The following NR3C2 variants were observed in gnomAD, a reference collection of about 807,000 sequenced individuals.
The protein encoded by NR3C2 is nuclear receptor subfamily 3 group C member 2.
In NR3C2, 15 loss-of-function variants were observed where a neutral mutation model predicts 86.4. That is an observed-to-expected ratio of 0.17 (90% confidence interval 0.12 to 0.27). NR3C2 has a LOEUF of 0.27. NR3C2 is among the 10% of genes least tolerant of loss of function. The pLI is 1.00. For synonymous variants in NR3C2, 458 were observed against 450.5 expected (o/e 1.02, Z -0.21); for missense variants, 960 against 1,195.6 (o/e 0.80, Z 2.91).
At chr4:148,088,984 T>A (rs1282848760) in intron 8 of NR3C2, among the ~76,000 whole-genome samples, 3 of 152,204 alleles carry the variant, frequency 2.0e-5, no homozygotes, top group Non-Finnish European at 2.9e-5. Context: ...CATTTCCAAG[T>A]GTATTACAGC....
At position 148,114,176 on chromosome 4, in the gene NR3C2, C is replaced by T. The variant is rs768593437; in HGVS notation, c.2727G>A (p.Lys909=). ...AGCTCTGCCCAGAATTGTTGGGACA[C>T]TTAGTTACCATCTTCCTCAGTTCTT... ...YIKELRKMVT[K]CPNNSGQSWQ... Residue 909 remains lysine, a synonymous_variant, in exon 8 of 9, where the codon AAG becomes AAA. Transcript: ENST00000358102. The T allele has an allele frequency of 1.9e-6, 3 of 1,613,982 alleles. No individual in the cohort carries two copies. In the Middle Eastern group the frequency reaches 5.0e-4, roughly 267 times the overall value.
At chr4:148,139,830 G>A (rs913194100) in intron 6 of NR3C2, among the ~76,000 whole-genome samples, 1 of 152,100 alleles carries the variant, frequency 6.6e-6, no homozygotes, top group African/African-American at 2.4e-5. Flanking sequence ...AACCTTTTCA[G>A]AGCCCTTCCC....
intron 2 of NR3C2, among the ~76,000 whole-genome samples, chr4:148,322,741 A>G (rs1472356559): frequency 8.2e-6 from 1 of 121,720 alleles, no homozygotes; most frequent in Non-Finnish European, 1.7e-5. Flanking sequence ...AGCTCCTTTA[A>G]GCACTTCTCT....
chr4:148,217,797 C>G (rs1321851880), intron 3 of NR3C2, among the ~76,000 whole-genome samples: 1 of 152,140 alleles, frequency 6.6e-6, no homozygotes, highest in Non-Finnish European at 1.5e-5. Context: ...ACTCAAAAAG[C>G]CTAGAGCTAT....
At chr4:148,378,990 T>C (rs748071800) in intron 2 of NR3C2, among the ~76,000 whole-genome samples, 2 of 152,118 alleles carry the variant, frequency 1.3e-5, no homozygotes, top group Middle Eastern at 3.2e-3. Flanking sequence ...TAAGTCAACC[T>C]GTACCAGCAA....
At chr4:148,356,899 C>CTGTGTGTGTGTGTGTG (rs67285458) in intron 2 of NR3C2, among the ~76,000 whole-genome samples, 8 of 148,966 alleles carry the variant, frequency 5.4e-5, no homozygotes, top group African/African-American at 9.9e-5. Context: ...CTAAGCACGA[C>CTGTGTGTGTGTGTGTG]TGTGTGTGTG....
At chr4:148,210,141 G>A (rs1300767549) in intron 3 of NR3C2, among the ~76,000 whole-genome samples, 1 of 152,116 alleles carries the variant, frequency 6.6e-6, no homozygotes, top group African/African-American at 2.4e-5. Flanking sequence ...TGGGCAGAAA[G>A]AGGCCGGTTT....
rs1240022484 is a variant in NR3C2 at position 148,154,581 on chromosome 4, G to C, written c.2335C>G (p.Gln779Glu). 6.2e-7 allele frequency: 1 copy of C among 1,614,192 alleles called. No homozygotes were observed. Residue 779 changes from glutamine (Q) to glutamate (E), a missense_variant, in exon 5 of 9, where the codon CAA becomes GAA. This residue lies in a region of NR3C2 where 151 missense variants were observed against 296.3 expected (regional missense o/e 0.51). Transcript: ENST00000358102. Reference sequence around the variant, plus strand: ...AGTACCTTTGCCCACTTCACGACTTGGATCATCTGTTTGCCTGCTAAGCGG... The same window carrying C: ...AGTACCTTTGCCCACTTCACGACTTCGATCATCTGTTTGCCTGCTAAGCGG... ...LNRLAGKQMIQVVKWAKVLPG... is the reference protein window; with the variant it reads ...LNRLAGKQMIEVVKWAKVLPG...
At chr4:148,349,768 A>G in intron 2 of NR3C2, among the ~76,000 whole-genome samples, 1 of 152,134 alleles carries the variant, frequency 6.6e-6, no homozygotes, top group East Asian at 1.9e-4. Flanking sequence ...TTCCCATTAG[A>G]CAATTTTTTC....
intron 4 of NR3C2, among the ~76,000 whole-genome samples, chr4:148,170,353 TAAG>T (rs1735066112): frequency 6.6e-6 from 1 of 152,146 alleles, no homozygotes; most frequent in African/African-American, 2.4e-5. Flanking sequence ...AAAACTGAAA[TAAG>T]AAGCATGCTA....
chr4:148,414,951 G>T (rs551700988), intron 2 of NR3C2, among the ~76,000 whole-genome samples: 15 of 152,270 alleles, frequency 9.9e-5, no homozygotes, highest in Middle Eastern at 3.4e-3. Flanking sequence ...ATTAACAAAA[G>T]TATTTTTAAA....
At chr4:148,235,651 T>G (rs1023276351) in intron 3 of NR3C2, among the ~76,000 whole-genome samples, 1 of 152,204 alleles carries the variant, frequency 6.6e-6, no homozygotes, top group Non-Finnish European at 1.5e-5. Context: ...TACAGTCTAT[T>G]GATTTTTAGT....
chr4:148,429,688 T>C (rs939712574), intron 2 of NR3C2, among the ~76,000 whole-genome samples: 1 of 152,202 alleles, frequency 6.6e-6, no homozygotes, highest in African/African-American at 2.4e-5. Flanking sequence ...ACTTCACAAG[T>C]TTAAAACCAG....
At chr4:148,419,095 C>CTTTT (rs33928091) in intron 2 of NR3C2, among the ~76,000 whole-genome samples, 1 of 147,668 alleles carries the variant, frequency 6.8e-6, no homozygotes, top group African/African-American at 2.5e-5. Context: ...GTTGTTTTTC[C>CTTTT]TTTTTTTTTT....
intron 2 of NR3C2, among the ~76,000 whole-genome samples, chr4:148,376,943 A>G (rs549594960): frequency 1.3e-5 from 2 of 152,218 alleles, no homozygotes; most frequent in South Asian, 2.1e-4. Flanking sequence ...ATTATGCCCA[A>G]ATAAAATGGA....
chr4:148,379,845 T>G (rs945396906), intron 2 of NR3C2, among the ~76,000 whole-genome samples: 2 of 147,154 alleles, frequency 1.4e-5, no homozygotes, highest in South Asian at 4.1e-4. Flanking sequence ...TGCTCACTTA[T>G]TAAGTCCATA....
chr4:148,175,827 A>C (rs1261063203), intron 4 of NR3C2, among the ~76,000 whole-genome samples: 3 of 152,174 alleles, frequency 2.0e-5, no homozygotes, highest in African/African-American at 7.2e-5. Context: ...GAATTGAAAG[A>C]AATCTGAAAG....
intron 8 of NR3C2, among the ~76,000 whole-genome samples, chr4:148,096,454 A>G (rs1422354987): frequency 2.0e-5 from 3 of 152,134 alleles, no homozygotes; most frequent in East Asian, 1.9e-4. Context: ...CCTTACTTCA[A>G]TCTCCCCAAA....
intron 6 of NR3C2, among the ~76,000 whole-genome samples, chr4:148,144,454 A>G (rs535127705): frequency 6.6e-6 from 1 of 152,266 alleles, no homozygotes; most frequent in Admixed American, 6.5e-5. Context: ...CAGCTTCCCA[A>G]AGTGCTGGGA....
Sources: gnomAD v4.1 joint callset for allele counts (sites outside exome capture counted in the v4.1 genomes callset) on GRCh38, gnomAD v4.1.1 for gene constraint, gnomAD v4.1.1 regional missense constraint, MANE v1.5 for transcripts, NCBI Gene and HGNC (gene_info 2026-07-23, HGNC 2026-07-21) for gene names.